Variants in RBPMS2 observed in about 807,000 individuals in gnomAD.
RBPMS2 encodes the protein RNA-binding protein with multiple splicing 2.
A neutral mutation model predicts 25.7 loss-of-function variants in RBPMS2; 14 were observed. The ratio of observed to expected loss-of-function variants is 0.55; its 90% CI spans 0.36 to 0.85. The LOEUF is 0.85. Among genes scored for constraint, RBPMS2 ranks in the 40% least tolerant of loss-of-function variants. The probability of loss-of-function intolerance (pLI) is 0.01; values close to 1 mark genes in which losing one functional copy is unlikely to be tolerated. For missense variants in RBPMS2, 252 were observed against 283.4 expected (o/e 0.89, Z 0.80); for synonymous variants, 127 against 115.6 (o/e 1.10, Z -0.63).
intron 1 of RBPMS2, among the ~76,000 whole-genome samples, chr15:64,765,226 CAAAAAAAA>C (rs34231406): frequency 5.9e-5 from 3 of 50,910 alleles, no homozygotes; most frequent in South Asian, 1.2e-3. Flanking sequence ...GACTCTGTCT[CAAAAAAAA>C]AAAAAAAAAA....
intron 1 of RBPMS2, among the ~76,000 whole-genome samples, chr15:64,757,954 G>T (rs374433964): frequency 1.6e-4 from 24 of 152,172 alleles, no homozygotes; most frequent in African/African-American, 5.5e-4. Context: ...TCCAGCCTGG[G>T]CAACAACAGA....
intron 1 of RBPMS2, among the ~76,000 whole-genome samples, chr15:64,758,753 G>A (rs2083755706): frequency 6.6e-6 from 1 of 151,974 alleles, no homozygotes; most frequent in South Asian, 2.1e-4. Context: ...GGGTGGGAGA[G>A]GGGTCCATGG....
Position 64,770,212 on chromosome 15 carries a change from C to T in RBPMS2, c.87+5021G>A, listed in dbSNP as rs568518503. On this transcript the variant is annotated intron_variant, in intron 1 of 7. Coordinates refer to ENST00000300069, the MANE Select transcript of RBPMS2 (RefSeq NM_194272.3). Reference sequence around the variant, plus strand: ...GAAAAAAAAAAGAAAATTGCAGATACCTTTCTCCCCCTGCCTTCCAGTCTC... The same window carrying T: ...GAAAAAAAAAAGAAAATTGCAGATATCTTTCTCCCCCTGCCTTCCAGTCTC... Among the ~76,000 whole-genome samples, 3 of 152,062 alleles carry T rather than the reference C, an allele frequency of 2.0e-5. No individual in the cohort carries two copies. In the South Asian group the frequency reaches 6.2e-4, roughly 32 times the overall value.
chr15:64,762,247 G>A (rs991238470), intron 1 of RBPMS2: 7 of 420,558 alleles, frequency 1.7e-5, no homozygotes, highest in South Asian at 3.6e-5. Flanking sequence ...ATGATGCCAC[G>A]GTGAATCCTA....
chr15:64,762,722 G>A (rs1363816032), intron 1 of RBPMS2, among the ~76,000 whole-genome samples: 1 of 152,208 alleles, frequency 6.6e-6, no homozygotes, highest in Admixed American at 6.5e-5. Context: ...CAGTAGAGTA[G>A]ACTCGCCTCA....
At chr15:64,747,370 C>G (rs1489216816) in intron 6 of RBPMS2, among the ~76,000 whole-genome samples, 1 of 152,112 alleles carries the variant, frequency 6.6e-6, no homozygotes, top group Non-Finnish European at 1.5e-5. Flanking sequence ...CTCCTGTGAA[C>G]CCTCCTTTCT....
intron 1 of RBPMS2, among the ~76,000 whole-genome samples, chr15:64,766,628 C>A (rs917348347): frequency 5.3e-5 from 8 of 152,034 alleles, no homozygotes; most frequent in African/African-American, 1.9e-4. Flanking sequence ...CGGGTTCACG[C>A]CATTCTTCTG....
intron 1 of RBPMS2, among the ~76,000 whole-genome samples, chr15:64,764,778 C>A (rs1021764053): frequency 6.6e-6 from 1 of 151,064 alleles, no homozygotes; most frequent in Non-Finnish European, 1.5e-5. Flanking sequence ...ATTAGCCGGG[C>A]ATGGTGGTGG....
At chr15:64,773,428 T>C (rs1466174062) in intron 1 of RBPMS2, among the ~76,000 whole-genome samples, 1 of 152,208 alleles carries the variant, frequency 6.6e-6, no homozygotes, top group Non-Finnish European at 1.5e-5. Flanking sequence ...CCATGCCCTT[T>C]TCCAAGTGCG....
chr15:64,760,537 G>C (rs1261808208), intron 1 of RBPMS2, among the ~76,000 whole-genome samples: 1 of 152,060 alleles, frequency 6.6e-6, no homozygotes, highest in African/African-American at 2.4e-5. Context: ...AAGGACCCCA[G>C]ACTCCAGGAA....
At chr15:64,775,058 G>A (rs886825306) in intron 1 of RBPMS2, among the ~76,000 whole-genome samples, 175 bp downstream of exon 1, 8 of 150,720 alleles carry the variant, frequency 5.3e-5, no homozygotes, top group African/African-American at 9.7e-5. Flanking sequence ...AGTCCAGGCC[G>A]CACGCTCCCG....
intron 1 of RBPMS2, among the ~76,000 whole-genome samples, chr15:64,774,946 C>G (rs2083919246): frequency 6.6e-6 from 1 of 150,940 alleles, no homozygotes; most frequent in Non-Finnish European, 1.5e-5. Context: ...ATGGAACGGA[C>G]GCGGCGCATC....
Position 64,775,299 on chromosome 15 carries a change from G to A in RBPMS2, c.21C>T (p.Asp7=). Residue 7 remains aspartate (D), a synonymous_variant, in exon 1 of 8, where the codon GAC becomes GAT. Coordinates refer to ENST00000300069, the MANE Select transcript of RBPMS2 (RefSeq NM_194272.3). MSNLKP[D]GEHGGSTGTG... is the part of the protein sequence containing the mutation. ...TGCCGGTGCTGCCGCCGTGCTCGCCGTCCGGCTTCAGGTTGCTCATGGTGC... is the reference window on the plus strand; with the variant it reads ...TGCCGGTGCTGCCGCCGTGCTCGCCATCCGGCTTCAGGTTGCTCATGGTGC... 7.4e-7 allele frequency: 1 copy of A among 1,351,320 alleles called. No individual in the cohort carries two copies. The highest frequency in any genetic ancestry group is 9.6e-7 in the Non-Finnish European group (1 of 1,045,066). 83.7% of individuals were successfully genotyped at this position (1,351,320 alleles called of 1,614,324 possible).
Position 64,775,254 on chromosome 15 carries a change from G to T in RBPMS2, c.66C>A (p.Ser22=). 1 of 1,326,266 alleles carries T rather than the reference G, an allele frequency of 7.5e-7. No individual in the cohort carries two copies. 82.2% of individuals were successfully genotyped at this position (1,326,266 alleles called of 1,614,324 possible). A position where few individuals can be genotyped will look rare whatever the true frequency, so the allele number is the denominator to read the frequency against. ...CCACCTCCTCCTCCAGGGCGCCGCC[G>T]GAGCCCGCGCCGGAGCCGGTGCCGG... ...GSTGTGSGAG[S]GGALEEEVRT... is the part of the protein sequence containing the mutation. Residue 22 remains serine (S), a synonymous_variant, in exon 1 of 8, where the codon TCC becomes TCA. Transcript: ENST00000300069.
At chr15:64,752,266 AG>A (rs772923945) in intron 1 of RBPMS2, among the ~76,000 whole-genome samples, 54 of 152,086 alleles carry the variant, frequency 3.6e-4, no homozygotes, top group Non-Finnish European at 6.6e-4. Flanking sequence ...CAGACAAAAA[AG>A]TATCTGTTTT....
At chr15:64,775,137 A>C (rs1053844511) in intron 1 of RBPMS2, 96 bp downstream of exon 1, 3 of 633,130 alleles carry the variant, frequency 4.7e-6, no homozygotes, top group Non-Finnish European at 6.5e-6. Flanking sequence ...AGCGATGGCC[A>C]CCCCGGCCCC....
At chr15:64,766,958 A>G (rs958976843) in intron 1 of RBPMS2, among the ~76,000 whole-genome samples, 1 of 151,900 alleles carries the variant, frequency 6.6e-6, no homozygotes, top group East Asian at 1.9e-4. Context: ...TAATTTTTGT[A>G]TTTTTAGTAG....
At position 64,749,160 on chromosome 15, in the gene RBPMS2, T is replaced by C. The variant is rs1299600431; in HGVS notation, c.268-10A>G. 1.2e-6 allele frequency: 2 copies of C among 1,613,418 alleles called. No individual in the cohort carries two copies. Among genetic ancestry groups the C allele is most frequent in the East Asian group, 4.5e-5 (2 of 44,884 alleles). ...GATCAAAGCGAATACCCTACATGGG[T>C]AGAGAAAAGAAGAGAAAGGCTTACT... On this transcript the variant is annotated splice_polypyrimidine_tract_variant and intron_variant, in intron 4 of 7. Transcript: ENST00000300069.
intron 1 of RBPMS2, among the ~76,000 whole-genome samples, chr15:64,768,692 G>A (rs1269050690): frequency 6.6e-6 from 1 of 151,690 alleles, no homozygotes; most frequent in African/African-American, 2.4e-5. Context: ...ACCTACTAGG[G>A]AGGCTGAGGT....
Sources: allele counts gnomAD v4.1 joint callset (sites outside exome capture counted in the v4.1 genomes callset), GRCh38; gene constraint gnomAD v4.1.1; transcripts MANE v1.5; gene names NCBI Gene and HGNC (gene_info 2026-07-23, HGNC 2026-07-21).